The following AFG1L variants were observed in gnomAD, a reference collection of about 807,000 sequenced individuals.
AFG1L encodes the protein AFG1 like ATPase.
In AFG1L, 53 loss-of-function variants were observed where a neutral mutation model predicts 62.2. The ratio of observed to expected loss-of-function variants is 0.85; its 90% confidence interval spans 0.68 to 1.07. AFG1L has a LOEUF of 1.07. AFG1L is among the 50% of genes least tolerant of loss of function. The pLI is 0.00. For missense variants in AFG1L, 555 were observed against 590.5 expected (o/e 0.94, Z 0.62); for synonymous variants, 228 against 210.3 (o/e 1.08, Z -0.73).
At chr6:108,325,221 A>G (rs1237376444) in intron 2 of AFG1L, among the ~76,000 whole-genome samples, 1 of 152,142 alleles carries the variant, frequency 6.6e-6, no homozygotes, top group Non-Finnish European at 1.5e-5. Context: ...CTGCTCTGGC[A>G]GCTGCTTGTG....
At chr6:108,347,180 A>G (rs914720686) in intron 3 of AFG1L, 141 bp downstream of exon 3, 1 of 700,212 alleles carries the variant, frequency 1.4e-6, no homozygotes, top group Non-Finnish European at 2.5e-6. Flanking sequence ...GAGAGAAGAA[A>G]AGGGAGAGAG....
At chr6:108,500,167 CGTGCGT>C (rs1239411693) in intron 10 of AFG1L, among the ~76,000 whole-genome samples, 198 of 73,100 alleles carry the variant, frequency 2.7e-3, no homozygotes, top group African/African-American at 0.012. Context: ...TTCCATGGTG[CGTGCGT>C]GTGTGTGTGT....
chr6:108,451,624 A>T (rs1304244110), intron 8 of AFG1L, among the ~76,000 whole-genome samples: 4 of 152,238 alleles, frequency 2.6e-5, no homozygotes, highest in African/African-American at 9.6e-5. Context: ...TTTTGCATAG[A>T]TTAAAACACC....
chr6:108,385,453 C>A (rs1780721089), intron 6 of AFG1L, among the ~76,000 whole-genome samples: 1 of 152,226 alleles, frequency 6.6e-6, no homozygotes, highest in Non-Finnish European at 1.5e-5. Context: ...AGAGCCCATC[C>A]CTTTATTTCA....
intron 2 of AFG1L, among the ~76,000 whole-genome samples, chr6:108,342,073 C>A (rs1183337275): frequency 6.6e-6 from 1 of 152,140 alleles, no homozygotes; most frequent in Non-Finnish European, 1.5e-5. Context: ...CTGGTGAGAG[C>A]TGGAGCTGTG....
chr6:108,511,198 GAGA>G (rs1774640463), intron 11 of AFG1L, among the ~76,000 whole-genome samples: 1 of 151,622 alleles, frequency 6.6e-6, no homozygotes, highest in Non-Finnish European at 1.5e-5. Context: ...GGAGAAGGAG[GAGA>G]AGGAGAAGGA....
At chr6:108,312,601 G>T (rs1241328974) in intron 1 of AFG1L, among the ~76,000 whole-genome samples, 1 of 152,066 alleles carries the variant, frequency 6.6e-6, no homozygotes, top group Non-Finnish European at 1.5e-5. Context: ...ATACAATAAA[G>T]ATATTGAATC....
At chr6:108,496,233 T>G (rs1773970776) in intron 10 of AFG1L, among the ~76,000 whole-genome samples, 2 of 152,230 alleles carry the variant, frequency 1.3e-5, no homozygotes, top group African/African-American at 4.8e-5. Flanking sequence ...GTTAGTGTGG[T>G]CAAAGGAGTA....
intron 7 of AFG1L, among the ~76,000 whole-genome samples, chr6:108,415,026 C>T (rs1303453509): frequency 2.0e-5 from 3 of 152,114 alleles, no homozygotes; most frequent in South Asian, 2.1e-4. Flanking sequence ...AAAACCCCAT[C>T]GTCTCAGCCC....
chr6:108,311,603 C>G (rs1276374182), intron 1 of AFG1L, among the ~76,000 whole-genome samples: 1 of 151,994 alleles, frequency 6.6e-6, no homozygotes, highest in Non-Finnish European at 1.5e-5. Context: ...CTCAAGCGAT[C>G]CTCCCGCCTC....
chr6:108,372,416 G>T (rs1168728531), intron 6 of AFG1L, among the ~76,000 whole-genome samples: 1 of 148,598 alleles, frequency 6.7e-6, no homozygotes, highest in Non-Finnish European at 1.5e-5. Flanking sequence ...TGCAACCTCC[G>T]CCTCCTGGGT....
intron 1 of AFG1L, among the ~76,000 whole-genome samples, chr6:108,300,919 G>A (rs755032996): frequency 1.0e-3 from 154 of 152,142 alleles, no homozygotes; most frequent in Non-Finnish European, 1.7e-3. Flanking sequence ...TGATCCGCCC[G>A]ACTTGACCTC....
At chr6:108,394,002 C>T (rs1050638410) in intron 6 of AFG1L, among the ~76,000 whole-genome samples, 4 of 151,718 alleles carry the variant, frequency 2.6e-5, no homozygotes, top group African/African-American at 4.8e-5. Context: ...TCTTTTTCTT[C>T]TTCTTTCTTT....
chr6:108,353,549 TAC>T (rs986279630), intron 3 of AFG1L, among the ~76,000 whole-genome samples: 3 of 152,132 alleles, frequency 2.0e-5, no homozygotes, highest in Non-Finnish European at 4.4e-5. Context: ...CCAATTTTTA[TAC>T]ATCCTTGCTA....
intron 10 of AFG1L, among the ~76,000 whole-genome samples, chr6:108,479,433 T>C (rs1773248309): frequency 6.6e-6 from 1 of 152,210 alleles, no homozygotes; most frequent in Non-Finnish European, 1.5e-5. Flanking sequence ...GTGGGGTGTT[T>C]ACTACATTAC....
intron 3 of AFG1L, among the ~76,000 whole-genome samples, chr6:108,354,895 G>A (rs1428409789): frequency 3.3e-5 from 5 of 152,196 alleles, no homozygotes; most frequent in Admixed American, 2.6e-4. Context: ...GTCATTAAAA[G>A]TTTTAGAGTG....
chr6:108,519,369 A>C (rs1347857361), intron 11 of AFG1L, among the ~76,000 whole-genome samples: 2 of 152,220 alleles, frequency 1.3e-5, no homozygotes, highest in Non-Finnish European at 2.9e-5. Context: ...AAACCAGAGC[A>C]GTAATGGCAA....
At chr6:108,447,102 T>C (rs552821963) in intron 7 of AFG1L, 112 bp from the exon 8 acceptor site, 4 of 470,982 alleles carry the variant, frequency 8.5e-6, no homozygotes, top group African/African-American at 8.0e-5. Context: ...TCTCATTATA[T>C]TAGTTTTTGA....
At chr6:108,319,100 A>G (rs1470055243) in intron 1 of AFG1L, among the ~76,000 whole-genome samples, 2 of 152,196 alleles carry the variant, frequency 1.3e-5, no homozygotes, top group Non-Finnish European at 2.9e-5. Flanking sequence ...AGTCTACACT[A>G]TTAAATCAAG....
Sources: gnomAD v4.1 joint callset for allele counts (sites outside exome capture counted in the v4.1 genomes callset) on GRCh38, gnomAD v4.1.1 for gene constraint, MANE v1.5 for transcripts, NCBI Gene and HGNC (gene_info 2026-07-23, HGNC 2026-07-21) for gene names.